The following CKAP5 variants were observed in gnomAD, a reference collection of about 807,000 sequenced individuals.
CKAP5 encodes the protein cytoskeleton-associated protein 5.
Under a neutral mutation model 232.8 loss-of-function variants are expected in CKAP5, and 27 were observed. The observed-to-expected ratio is 0.12, with a 90% confidence interval of 0.09 to 0.16. The LOEUF is 0.16. Ranked by LOEUF, CKAP5 falls within the 10% of genes least tolerant of loss-of-function variation. The pLI is 1.00. For missense variants in CKAP5, 1,838 were observed against 2,424.7 expected, an observed-to-expected ratio of 0.76 and a Z score of 5.08; for synonymous variants, 785 against 841.1, an observed-to-expected ratio of 0.93 and a Z score of 1.16.
intron 42 of CKAP5, among the ~76,000 whole-genome samples, chr11:46,746,651 C>T (rs988334010): frequency 1.3e-5 from 2 of 152,166 alleles, no homozygotes; most frequent in African/African-American, 4.8e-5. Context: ...CTGTATAGGA[C>T]ATTTACCAGG....
chr11:46,752,756 T>C, intron 37 of CKAP5, 46 bp from the exon 38 acceptor site: 2 of 1,460,658 alleles, frequency 1.4e-6, no homozygotes, highest in Non-Finnish European at 1.9e-6. Flanking sequence ...CAAACCTGCA[T>C]TCCAATTAGA....
In CKAP5 at chr11:46,750,415, C is replaced by T; in HGVS notation, c.5563G>A (p.Glu1855Lys). 2 of 1,614,064 alleles carry T rather than the reference C, an allele frequency of 1.2e-6. No individual in the cohort carries two copies. The highest frequency in any genetic ancestry group is 1.7e-6 in the Non-Finnish European group (2 of 1,179,962). ...GCATCTGAGTATTTCTTCTTATATT[C>T]ATATAACTCTGCTAGTCCCTGGTGA... ...NTKEGLAELY[E>K]YKKKYSDADI... The change falls in exon 42 of 44, where the codon GAA becomes AAA. Residue 1855 changes from glutamate to lysine, a missense_variant. By Grantham distance (56) the Glu-to-Lys change is moderately conservative. This residue lies in a region of CKAP5 where 579 missense variants were observed against 843.2 expected (regional missense o/e 0.69). Transcript: ENST00000529230.
At chr11:46,798,652 G>A (rs1438263538) in intron 9 of CKAP5, among the ~76,000 whole-genome samples, 1 of 151,832 alleles carries the variant, frequency 6.6e-6, no homozygotes, top group Non-Finnish European at 1.5e-5. Flanking sequence ...GTTAAATCCA[G>A]AGACAAAAAA....
intron 24 of CKAP5, among the ~76,000 whole-genome samples, chr11:46,772,642 C>T (rs934611945): frequency 1.7e-4 from 26 of 152,060 alleles, no homozygotes; most frequent in African/African-American, 5.3e-4. Context: ...CAATGATCTA[C>T]GTGTCTATCT....
At chr11:46,764,703 G>C (rs950531967) in intron 28 of CKAP5, among the ~76,000 whole-genome samples, 1 of 152,060 alleles carries the variant, frequency 6.6e-6, no homozygotes, top group East Asian at 1.9e-4. Flanking sequence ...TGCACTTTCT[G>C]TACTGCATAT....
chr11:46,813,795 A>G, intron 4 of CKAP5, among the ~76,000 whole-genome samples: 1 of 152,142 alleles, frequency 6.6e-6, no homozygotes, highest in East Asian at 1.9e-4. Flanking sequence ...AAAATGAAAT[A>G]ACCAGAGTAC....
intron 1 of CKAP5, chr11:46,826,768 C>A: frequency 6.5e-6 from 1 of 153,636 alleles, no homozygotes; most frequent in South Asian, 1.8e-4. Context: ...TTACGCTCCC[C>A]GGGCAGGGAG....
intron 1 of CKAP5, among the ~76,000 whole-genome samples, chr11:46,825,652 T>C (rs1240124663): frequency 6.6e-6 from 1 of 152,048 alleles, no homozygotes; most frequent in Non-Finnish European, 1.5e-5. Context: ...GGAGATGCTA[T>C]TGCAGAAGCA....
intron 27 of CKAP5, among the ~76,000 whole-genome samples, chr11:46,766,295 T>C (rs1361409878): frequency 6.6e-6 from 1 of 152,216 alleles, no homozygotes; most frequent in Non-Finnish European, 1.5e-5. Context: ...AAAAAAATTA[T>C]GGCATTAAGA....
At chr11:46,753,252 T>C (rs1159584843) in intron 37 of CKAP5, 58 bp downstream of exon 37, 1 of 1,391,190 alleles carries the variant, frequency 7.2e-7, no homozygotes, top group African/African-American at 1.5e-5. Context: ...TTATGGTTTC[T>C]AAGTGTAAAC....
chr11:46,841,267 C>CAAA (rs763747323), intron 1 of CKAP5, among the ~76,000 whole-genome samples: 1 of 105,552 alleles, frequency 9.5e-6, no homozygotes. Flanking sequence ...AATTCTGTCT[C>CAAA]AAAAAAAAAA....
At chr11:46,791,368 A>C (rs753898993) in intron 13 of CKAP5, among the ~76,000 whole-genome samples, 2 of 124,830 alleles carry the variant, frequency 1.6e-5, no homozygotes, top group Non-Finnish European at 3.7e-5. Context: ...TCCCATCTCA[A>C]GCAGCCCTCC....
rs2065233248 is a variant in CKAP5 at position 46,769,833 on chromosome 11, A to C, written c.3322+130T>G. On this transcript the variant is annotated intron_variant, in intron 26 of 43. Transcript: ENST00000529230. ...GACAAGTGTTTGTGAAAGGAAAGTAAGCAGAGAAGGAAGGAGAGCTTGGAT... is the reference window on the plus strand; with the variant it reads ...GACAAGTGTTTGTGAAAGGAAAGTACGCAGAGAAGGAAGGAGAGCTTGGAT... The C allele has an allele frequency of 1.3e-5, 13 of 996,772 alleles. No homozygotes were observed. The South Asian group carries it at 2.1e-4, about 16-fold the overall frequency. 61.7% of individuals were successfully genotyped at this position (996,772 alleles called of 1,614,324 possible).
At chr11:46,764,587 A>G (rs2065186458) in intron 28 of CKAP5, among the ~76,000 whole-genome samples, 1 of 152,234 alleles carries the variant, frequency 6.6e-6, no homozygotes, top group South Asian at 2.1e-4. Context: ...TACATATGAT[A>G]GTAGAGGTAT....
chr11:46,842,883 C>T (rs558593719), intron 1 of CKAP5, among the ~76,000 whole-genome samples: 3 of 141,100 alleles, frequency 2.1e-5, no homozygotes, highest in South Asian at 4.6e-4. Flanking sequence ...AGGAGAATGG[C>T]GTGAACCTGG....
At chr11:46,772,654 C>T (rs988844048) in intron 24 of CKAP5, among the ~76,000 whole-genome samples, 1 of 152,156 alleles carries the variant, frequency 6.6e-6, no homozygotes. Context: ...TGTCTATCTC[C>T]ACCCCATCCT....
intron 1 of CKAP5, among the ~76,000 whole-genome samples, chr11:46,839,099 C>T (rs1486901976): frequency 1.3e-5 from 2 of 151,722 alleles, no homozygotes; most frequent in East Asian, 3.9e-4. Context: ...TATAGACAAA[C>T]AATAAACAAT....
intron 31 of CKAP5, 87 bp from the exon 32 acceptor site, chr11:46,762,280 T>C (rs1389006069): frequency 6.6e-6 from 9 of 1,354,018 alleles, no homozygotes; most frequent in Non-Finnish European, 9.3e-6. Flanking sequence ...CCTTGGCATA[T>C]ATGAAGGACT....
chr11:46,791,627 T>C (rs923588341), intron 13 of CKAP5, among the ~76,000 whole-genome samples: 1 of 152,112 alleles, frequency 6.6e-6, no homozygotes, highest in African/African-American at 2.4e-5. Flanking sequence ...TGAGCCATGA[T>C]CATGTCACTA....
Sources: gnomAD v4.1 joint callset for allele counts (sites outside exome capture counted in the v4.1 genomes callset) on GRCh38, gnomAD v4.1.1 for gene constraint, gnomAD v4.1.1 regional missense constraint, MANE v1.5 for transcripts, NCBI Gene and HGNC (gene_info 2026-07-23, HGNC 2026-07-21) for gene names.